Variants in WNT7B observed in about 807,000 individuals in gnomAD.
The protein encoded by WNT7B is Wnt family member 7B, also known as protein Wnt-7b.
WNT7B carries 19 observed loss-of-function variants against 38.2 expected under a neutral mutation model. The observed-to-expected ratio is 0.50, with a 90% CI of 0.35 to 0.73. The LOEUF (loss-of-function observed/expected upper bound fraction) is 0.73. Ranked by LOEUF, WNT7B falls within the 30% of genes least tolerant of loss-of-function variation. The pLI, the probability that WNT7B is intolerant of heterozygous loss-of-function variation, is 0.01. For synonymous variants in WNT7B, 243 were observed against 209.3 expected (o/e 1.16, Z -1.39); for missense variants, 423 against 507.9 (o/e 0.83, Z 1.61).
chr22:45,973,186 G>C (rs1290592537), intron 1 of WNT7B, among the ~76,000 whole-genome samples: 1 of 152,234 alleles, frequency 6.6e-6, no homozygotes, highest in African/African-American at 2.4e-5. Flanking sequence ...TGAGCGGTTG[G>C]CGGGGATGGG....
At position 45,921,915 on chromosome 22, in the gene WNT7B, C is replaced by A. The variant is rs564318224; in HGVS notation, c.*941G>T. ...AGCTGGGATTACAGGTGCACGCCAC[C>A]ACGCCCAGCTAATTTTTGTATTTTT... On this transcript the variant is annotated 3_prime_UTR_variant, in exon 4 of 4. Transcript: ENST00000339464. The A allele has an allele frequency of 2.0e-5, 3 of 152,310 alleles. No individual in the cohort carries two copies. The highest frequency in any genetic ancestry group is 7.2e-5 in the African/African-American group (3 of 41,554). The allele number at this position is 152,310 out of a possible 1,614,324, so 9.4% of individuals were successfully genotyped here.
intron 2 of WNT7B, 32 bp from the exon 3 acceptor site, chr22:45,931,401 C>G (rs781284934): frequency 3.2e-6 from 5 of 1,549,976 alleles, no homozygotes; most frequent in African/African-American, 1.4e-5. Context: ...GAAGGTGAGA[C>G]CCCAGGCCCT....
chr22:45,929,593 C>G (rs933040118), intron 3 of WNT7B, among the ~76,000 whole-genome samples: 4 of 144,864 alleles, frequency 2.8e-5, no homozygotes, highest in Non-Finnish European at 6.2e-5. Flanking sequence ...TCCATCCATT[C>G]ATGCATCCAT....
chr22:45,929,945 CATCCATCCACTCATACATCT>C (rs1278610270), intron 3 of WNT7B, among the ~76,000 whole-genome samples: 6 of 151,246 alleles, frequency 4.0e-5, no homozygotes, highest in East Asian at 1.9e-4. Context: ...CTCATCCTTC[CATCCATCCACTCATACATCT>C]ATCCATCCAT....
chr22:45,972,332 G>A (rs936891832), intron 1 of WNT7B: 201 of 418,368 alleles, frequency 4.8e-4, no homozygotes, highest in Non-Finnish European at 7.2e-4. Flanking sequence ...CCCCGATGCA[G>A]GGCGGCGGCG....
At chr22:45,948,886 G>A (rs9286454) in intron 2 of WNT7B, among the ~76,000 whole-genome samples, 1 of 138,628 alleles carries the variant, frequency 7.2e-6, no homozygotes, top group Non-Finnish European at 1.5e-5. Context: ...GCTCTTTTAC[G>A]CAGACTGGAG....
At chr22:45,962,799 G>T (rs558437217) in intron 1 of WNT7B, among the ~76,000 whole-genome samples, 1 of 152,228 alleles carries the variant, frequency 6.6e-6, no homozygotes. Context: ...TCTGTTGGAC[G>T]CAGGGGCGCC....
At chr22:45,926,605 C>T in intron 3 of WNT7B, 1 of 985,394 alleles carries the variant, frequency 1.0e-6, no homozygotes, top group Non-Finnish European at 1.2e-6. Flanking sequence ...CAGAAGGCAC[C>T]TCACCCTGGA....
At chr22:45,957,021 G>A (rs562446443) in intron 1 of WNT7B, among the ~76,000 whole-genome samples, 65 of 150,274 alleles carry the variant, frequency 4.3e-4, no homozygotes, top group South Asian at 8.3e-4. Context: ...CAGGAGAATC[G>A]CTTGAACCAG....
Position 45,922,678 on chromosome 22 carries a change from C to T in WNT7B, c.*178G>A. The T allele has an allele frequency of 9.8e-7, 1 of 1,025,418 alleles. No individual in the cohort carries two copies. Among genetic ancestry groups the T allele is most frequent in the Non-Finnish European group, 1.4e-6 (1 of 727,958 alleles). The allele number at this position is 1,025,418 out of a possible 1,614,324, so 63.5% of individuals were successfully genotyped here. On this transcript the variant is annotated 3_prime_UTR_variant, in exon 4 of 4. Coordinates refer to ENST00000339464, the MANE Select transcript of WNT7B (RefSeq NM_058238.3). Reference sequence around the variant, plus strand: ...GATGGGAGGAGGTGGCAGGAAGGAGCCCCAGGGAGGCGGGCAGAGGGCGTG... The same window carrying T: ...GATGGGAGGAGGTGGCAGGAAGGAGTCCCAGGGAGGCGGGCAGAGGGCGTG...
intron 1 of WNT7B, chr22:45,972,120 A>ACCCCCCCCCCCCCCCCCCCCCCC: frequency 6.4e-6 from 1 of 155,362 alleles, no homozygotes; most frequent in Non-Finnish European, 1.2e-5. Context: ...GGGGGAGCCC[A>ACCCCCCCCCCCCCCCCCCCCCCC]CCCGCCCACC....
chr22:45,931,491 G>A (rs867041342), intron 2 of WNT7B, 122 bp from the exon 3 acceptor site: 26 of 1,205,162 alleles, frequency 2.2e-5, no homozygotes, highest in Admixed American at 1.1e-4. Flanking sequence ...TGGGCTCATC[G>A]CTCGCCCCCT....
intron 1 of WNT7B, among the ~76,000 whole-genome samples, chr22:45,962,012 C>T (rs2146745775): frequency 6.6e-6 from 1 of 152,350 alleles, no homozygotes; most frequent in East Asian, 1.9e-4. Flanking sequence ...TCAGTGTTCC[C>T]AGGGAAGGGA....
intron 1 of WNT7B, among the ~76,000 whole-genome samples, chr22:45,964,720 C>G (rs1363580688): frequency 6.7e-6 from 1 of 148,154 alleles, no homozygotes. Flanking sequence ...GTTCACGGGG[C>G]CCCAGACCCA....
intron 1 of WNT7B, among the ~76,000 whole-genome samples, chr22:45,960,377 C>G (rs1932168863): frequency 6.6e-6 from 1 of 152,214 alleles, no homozygotes. Flanking sequence ...CCTAAGGCCA[C>G]TGTGTCAGCG....
At chr22:45,937,302 A>AG (rs1276144492) in intron 2 of WNT7B, among the ~76,000 whole-genome samples, 1 of 152,218 alleles carries the variant, frequency 6.6e-6, no homozygotes, top group Non-Finnish European at 1.5e-5. Context: ...TCTGGAAGCA[A>AG]GGGGGAGGCT....
rs1931336709 is a variant in WNT7B, at chr22:45,931,096, A to G, written c.570+2T>C. On this transcript the variant is annotated splice_donor_variant, in intron 3 of 3. Transcript: ENST00000339464. LOFTEE classifies it high-confidence loss of function. ...CCCCCACCAGCCGCACCCGCACCCT[A>G]CCTTCCTGCCGGCCTCATTGTTATG... The G allele has an allele frequency of 1.9e-6, 3 of 1,570,978 alleles. No individual in the cohort carries two copies. Among genetic ancestry groups the G allele is most frequent in the African/African-American group, 1.3e-5 (1 of 74,088 alleles).
chr22:45,957,449 C>T (rs1040073950), intron 1 of WNT7B, among the ~76,000 whole-genome samples: 7 of 151,854 alleles, frequency 4.6e-5, no homozygotes, highest in African/African-American at 1.2e-4. Context: ...TTTGGGAGGC[C>T]GAGGCGAGTG....
chr22:45,926,453 T>C, intron 3 of WNT7B: 1 of 985,372 alleles, frequency 1.0e-6, no homozygotes, highest in Non-Finnish European at 1.2e-6. Context: ...CTTTCCAGAA[T>C]AAGGGTGTAG....
Sources: gnomAD v4.1 joint callset for allele counts (sites outside exome capture counted in the v4.1 genomes callset) on GRCh38, gnomAD v4.1.1 for gene constraint, MANE v1.5 for transcripts, NCBI Gene and HGNC (gene_info 2026-07-23, HGNC 2026-07-21) for gene names.